Variants in SEC14L5 observed in about 807,000 individuals in gnomAD.
SEC14L5 encodes the protein SEC14-like protein 5.
Under a neutral mutation model 84.6 loss-of-function variants are expected in SEC14L5, and 96 were observed. The ratio of observed to expected loss-of-function variants is 1.13; its 90% CI spans 0.96 to 1.34. The LOEUF is 1.34. Among genes scored for constraint, SEC14L5 ranks in the 40% most tolerant of loss-of-function variants. The pLI, the probability that SEC14L5 is intolerant of heterozygous loss-of-function variation, is 0.00. For synonymous variants in SEC14L5, 546 were observed against 383.4 expected (o/e 1.42, Z -4.95); for missense variants, 1,224 against 942.5 (o/e 1.30, Z -3.91).
At position 5,015,531 on chromosome 16, in the gene SEC14L5, A is replaced by G. The variant is rs1596650330; in HGVS notation, c.*561A>G. ...GCAGGGTCATGCCCAATCTGGACCA[A>G]TCACCGTGATCCAGGGTTGCAGTGA... On this transcript the variant is annotated 3_prime_UTR_variant, in exon 16 of 16. Transcript: ENST00000251170. 1 of 154,134 alleles carries G rather than the reference A, an allele frequency of 6.5e-6. No individual in the cohort carries two copies. The highest frequency in any genetic ancestry group is 1.9e-4 in the East Asian group (1 of 5,210). 9.5% of individuals were successfully genotyped at this position (154,134 alleles called of 1,614,324 possible).
intron 12 of SEC14L5, among the ~76,000 whole-genome samples, chr16:5,006,611 G>A (rs913345546): frequency 6.6e-6 from 1 of 152,154 alleles, no homozygotes; most frequent in Non-Finnish European, 1.5e-5. Flanking sequence ...CCAGTGGCCC[G>A]GGCCCTCTTT....
chr16:4,959,708 G>C (rs534625254), intron 2 of SEC14L5, among the ~76,000 whole-genome samples: 1 of 152,296 alleles, frequency 6.6e-6, no homozygotes, highest in Non-Finnish European at 1.5e-5. Context: ...GCATATCACA[G>C]TGATAAATGG....
chr16:5,002,356 G>C (rs1233967428), intron 10 of SEC14L5, among the ~76,000 whole-genome samples: 1 of 148,674 alleles, frequency 6.7e-6, no homozygotes, highest in Non-Finnish European at 1.5e-5. Context: ...GAGTACAGTG[G>C]TGCAATCTTG....
intron 6 of SEC14L5, among the ~76,000 whole-genome samples, chr16:4,993,903 G>C (rs1358850560): frequency 6.6e-6 from 1 of 150,476 alleles, no homozygotes; most frequent in East Asian, 1.9e-4. Context: ...TTGTTGATTA[G>C]TGACAAGTTT....
In SEC14L5 at chr16:5,008,547, A is replaced by T. The variant is rs1392968922; in HGVS notation, c.1699A>T (p.Thr567Ser). 1 of 1,609,444 alleles carries T rather than the reference A, an allele frequency of 6.2e-7. No homozygotes were observed. The highest frequency in any genetic ancestry group is 8.5e-7 in the Non-Finnish European group (1 of 1,178,284). ...APRLGAREPG[T>S]RASGQLIDKG... ...CAGGCTGGGCGCCCGGGAACCGGGG[A>T]CCAGGGCCAGCGGGCAGCTGATCGA... The change falls in exon 14 of 16, where the codon ACC becomes TCC. Residue 567 changes from threonine to serine, a missense_variant. Transcript: ENST00000251170.
At chr16:4,970,872 G>C (rs532348968) in intron 2 of SEC14L5, among the ~76,000 whole-genome samples, 27 of 152,170 alleles carry the variant, frequency 1.8e-4, no homozygotes, top group Non-Finnish European at 3.7e-4. Context: ...CACTTTGGGA[G>C]GCCGAGGCGG....
intron 2 of SEC14L5, among the ~76,000 whole-genome samples, chr16:4,966,255 C>T (rs1049690250): frequency 7.4e-5 from 11 of 148,418 alleles, no homozygotes; most frequent in South Asian, 2.2e-4. Context: ...CGTGACCCAC[C>T]GCGCCCGGCC....
At chr16:4,971,186 G>T (rs543838574) in intron 2 of SEC14L5, among the ~76,000 whole-genome samples, 6 of 152,304 alleles carry the variant, frequency 3.9e-5, no homozygotes, top group Admixed American at 6.5e-5. Context: ...GCCAGGGGCG[G>T]TGGCTTACGC....
chr16:5,014,782 C>A (rs1000162578), intron 15 of SEC14L5, 77 bp from the exon 16 acceptor site: 2 of 1,138,094 alleles, frequency 1.8e-6, no homozygotes, highest in Non-Finnish European at 2.6e-6. Context: ...GCATCAACAG[C>A]TTTTCCACTG....
intron 2 of SEC14L5, among the ~76,000 whole-genome samples, chr16:4,975,568 T>C (rs1288880301): frequency 6.6e-6 from 1 of 152,112 alleles, no homozygotes; most frequent in East Asian, 1.9e-4. Context: ...AATCCACTTA[T>C]TGGTTGATGG....
In SEC14L5 at chr16:4,967,220, C is replaced by T. The variant is rs987855251; in HGVS notation, c.63+7834C>T. On this transcript the variant is annotated intron_variant, in intron 2 of 15. Coordinates refer to ENST00000251170, the MANE Select transcript of SEC14L5 (RefSeq NM_014692.2). ...TCTGGAGGCTCTAGAAGGGGATCTG[C>T]TCCTGGCCTCTCTCCCAGCCTCGGA... is the stretch of plus-strand genomic sequence containing the variant. 3.3e-5 allele frequency among the ~76,000 whole-genome samples: 5 copies of T among 152,316 alleles called. No homozygotes were observed. In the South Asian group the frequency reaches 1.0e-3, roughly 32 times the overall value.
rs929780966 is a variant in SEC14L5 at position 5,004,335 on chromosome 16, C to G, written c.1302+762C>G. ...CTGAAGCTTTTTATCCTGAATTGTCCTAATCTCCGGGAAAATTAAGTCCAC... is the reference window on the plus strand; with the variant it reads ...CTGAAGCTTTTTATCCTGAATTGTCGTAATCTCCGGGAAAATTAAGTCCAC... On this transcript the variant is annotated intron_variant, in intron 11 of 15. Coordinates refer to ENST00000251170, the MANE Select transcript of SEC14L5 (RefSeq NM_014692.2). Among the ~76,000 whole-genome samples the G allele has an allele frequency of 2.6e-5, 4 of 152,060 alleles. No homozygotes were observed. The East Asian group carries it at 5.8e-4, about 22-fold the overall frequency.
At chr16:4,998,003 CT>C (rs35302716) in intron 8 of SEC14L5, among the ~76,000 whole-genome samples, 23 of 77,884 alleles carry the variant, frequency 3.0e-4, no homozygotes, top group Non-Finnish European at 4.2e-4. Flanking sequence ...GACTCTAGTT[CT>C]TTTTTTTTTT....
chr16:4,999,902 G>C (rs1955656294), intron 8 of SEC14L5, among the ~76,000 whole-genome samples: 1 of 150,770 alleles, frequency 6.6e-6, no homozygotes, highest in South Asian at 2.1e-4. Flanking sequence ...GTGATACAGT[G>C]AGACTCTGTC....
chr16:4,969,820 C>T (rs559001053), intron 2 of SEC14L5, among the ~76,000 whole-genome samples: 6 of 141,294 alleles, frequency 4.2e-5, no homozygotes, highest in Non-Finnish European at 9.3e-5. Flanking sequence ...TTTTTCTTTC[C>T]TTTTTTTTTT....
chr16:4,999,549 G>A (rs1955652726), intron 8 of SEC14L5, among the ~76,000 whole-genome samples: 1 of 152,042 alleles, frequency 6.6e-6, no homozygotes, highest in Non-Finnish European at 1.5e-5. Flanking sequence ...AAGCTGGGGA[G>A]GTTCAGGCTG....
intron 14 of SEC14L5, 32 bp from the exon 15 acceptor site, chr16:5,011,063 C>T (rs982015150): frequency 4.5e-6 from 7 of 1,561,754 alleles, no homozygotes; most frequent in African/African-American, 1.4e-5. Context: ...CTGGAGGGCG[C>T]AGGGCCTCAG....
At chr16:5,006,450 G>C (rs1955733036) in intron 12 of SEC14L5, among the ~76,000 whole-genome samples, 2 of 152,164 alleles carry the variant, frequency 1.3e-5, no homozygotes, top group Non-Finnish European at 2.9e-5. Context: ...CTGGAGCTGG[G>C]ACTAGCCTCC....
At chr16:4,987,501 G>GGA (rs938708603) in intron 2 of SEC14L5, 56 bp from the exon 3 acceptor site, 1 of 1,423,846 alleles carries the variant, frequency 7.0e-7, no homozygotes. Context: ...TCGCGCTGGG[G>GGA]GGGGGGGTCC....
Sources: gnomAD v4.1 joint callset for allele counts (sites outside exome capture counted in the v4.1 genomes callset) on GRCh38, gnomAD v4.1.1 for gene constraint, MANE v1.5 for transcripts, NCBI Gene and HGNC (gene_info 2026-07-23, HGNC 2026-07-21) for gene names.